The following BMP5 variants were observed in gnomAD, a reference collection of about 807,000 sequenced individuals.
BMP5 encodes bone morphogenetic protein 5.
In BMP5, 23 loss-of-function variants were observed where a neutral mutation model predicts 46.6. That is an observed-to-expected ratio of 0.49 (90% CI 0.35 to 0.70). The LOEUF (loss-of-function observed/expected upper bound fraction) is 0.70. Ranked by LOEUF, BMP5 falls within the 30% of genes least tolerant of loss-of-function variation. BMP5 has a pLI of 0.00. For missense variants in BMP5, 545 were observed against 565.6 expected, an observed-to-expected ratio of 0.96 and a Z score of 0.37; for synonymous variants, 204 against 191.9, an observed-to-expected ratio of 1.06 and a Z score of -0.52.
At chr6:55,840,340 T>A (rs548569515) in intron 1 of BMP5, among the ~76,000 whole-genome samples, 1 of 152,248 alleles carries the variant, frequency 6.6e-6, no homozygotes, top group South Asian at 2.1e-4. Flanking sequence ...TTTTAAATCT[T>A]TATGCCTTCT....
chr6:55,858,686 T>C (rs901428622), intron 1 of BMP5, among the ~76,000 whole-genome samples: 10 of 152,208 alleles, frequency 6.6e-5, no homozygotes, highest in Admixed American at 1.3e-4. Flanking sequence ...GGCTTAAACG[T>C]GTATTTATTG....
At chr6:55,799,255 T>C (rs1319758074) in intron 2 of BMP5, among the ~76,000 whole-genome samples, 4 of 152,162 alleles carry the variant, frequency 2.6e-5, no homozygotes, top group Non-Finnish European at 5.9e-5. Flanking sequence ...TTTTATAGGG[T>C]CTGCCATAAT....
At chr6:55,873,173 C>A (rs3798822) in intron 1 of BMP5, among the ~76,000 whole-genome samples, 29,909 of 151,726 alleles carry the variant, frequency 0.2, 3,607 homozygotes, top group Admixed American at 0.26. Flanking sequence ...ATAAAAGCAT[C>A]CATGTGTTAT....
At chr6:55,791,724 G>T (rs146387911) in intron 3 of BMP5, among the ~76,000 whole-genome samples, 323 of 152,156 alleles carry the variant, frequency 2.1e-3, no homozygotes, top group African/African-American at 7.6e-3. Flanking sequence ...AACAAAAAGA[G>T]AAACTTTAGA....
At position 55,874,668 on chromosome 6, in the gene BMP5, T is replaced by G. The variant is rs757000639; in HGVS notation, c.198A>C (p.Arg66Ser). ...LSILGLPHRP[R>S]PFSPGKQASS... ...ACGCTTGTTTTCCAGGTGAAAATGG[T>G]CTGGGTCTGTGAGGCAAACCCAAGA... Residue 66 changes from arginine (R) to serine (S), a missense_variant, in exon 1 of 7, where the codon AGA becomes AGC. Physicochemically the swap from Arg to Ser is moderately radical, Grantham distance 110. Transcript: ENST00000370830. The G allele has an allele frequency of 6.2e-7, 1 of 1,613,634 alleles. No individual in the cohort carries two copies. Among genetic ancestry groups the G allele is most frequent in the South Asian group, 1.1e-5 (1 of 91,080 alleles).
At chr6:55,836,631 TAC>T (rs61358651) in intron 1 of BMP5, among the ~76,000 whole-genome samples, 20,510 of 139,086 alleles carry the variant, frequency 0.15, 1,421 homozygotes, top group African/African-American at 0.16. Flanking sequence ...CATACATACA[TAC>T]ACACACACAC....
At position 55,819,686 on chromosome 6, in the gene BMP5, T is replaced by C. The variant is rs1219679284; in HGVS notation, c.652A>G (p.Ile218Val). The C allele has an allele frequency of 1.2e-6, 2 of 1,613,438 alleles. No individual in the cohort carries two copies. The highest frequency in any genetic ancestry group is 2.2e-5 in the South Asian group (2 of 91,076). ...GTGTATTCCTTGATGATTTGATATA[T>C]GCTAATCTTAATTGTTTCATTTTCA... ...RFENETIKISIYQIIKEYTNR... is the reference protein window; with the variant it reads ...RFENETIKISVYQIIKEYTNR... Residue 218 changes from isoleucine to valine, a missense_variant, in exon 2 of 7, where the codon ATA (isoleucine) becomes GTA (valine). By Grantham distance (29) the Ile-to-Val change is conservative. Transcript: ENST00000370830.
rs113925996 is a variant in BMP5, at chr6:55,832,029, G to A, written c.491-12182C>T. Reference sequence around the variant, plus strand: ...TCCAAGTATAGGAGGCAAATAGTCCGTACTGGAAAGCTATATTAAGGGCTA... The same window carrying A: ...TCCAAGTATAGGAGGCAAATAGTCCATACTGGAAAGCTATATTAAGGGCTA... On this transcript the variant is annotated intron_variant, in intron 1 of 6. Coordinates refer to ENST00000370830, the MANE Select transcript of BMP5 (RefSeq NM_021073.4). 1.2e-3 allele frequency among the ~76,000 whole-genome samples: 180 copies of A among 152,208 alleles called. 1 individual carries two copies. Among genetic ancestry groups the A allele is most frequent in the African/African-American group, 2.9e-3 (120 of 41,546 alleles).
intron 3 of BMP5, among the ~76,000 whole-genome samples, chr6:55,774,924 A>C (rs2127521589): frequency 6.6e-6 from 1 of 152,078 alleles, no homozygotes; most frequent in African/African-American, 2.4e-5. Context: ...TAAACATAGA[A>C]ATTTTGGAAT....
chr6:55,831,066 G>A (rs1241781564), intron 1 of BMP5, among the ~76,000 whole-genome samples: 1 of 152,028 alleles, frequency 6.6e-6, no homozygotes, highest in Non-Finnish European at 1.5e-5. Flanking sequence ...AACTAGACAA[G>A]AATATTCACC....
At chr6:55,780,607 A>T (rs1184501214) in intron 3 of BMP5, among the ~76,000 whole-genome samples, 4 of 152,078 alleles carry the variant, frequency 2.6e-5, no homozygotes, top group African/African-American at 9.7e-5. Context: ...GAGATTTTTT[A>T]AAGTGTTGAC....
rs887248630 is a variant in BMP5, at chr6:55,874,671, G to C, written c.195C>G (p.Pro65=). The change falls in exon 1 of 7, where the codon CCC becomes CCG. Residue 65 remains proline (P), a synonymous_variant. Coordinates refer to ENST00000370830, the MANE Select transcript of BMP5 (RefSeq NM_021073.4). ...CTTGTTTTCCAGGTGAAAATGGTCT[G>C]GGTCTGTGAGGCAAACCCAAGATAG... ...ILSILGLPHR[P]RPFSPGKQAS... The C allele has an allele frequency of 5.6e-6, 9 of 1,613,500 alleles. No homozygotes were observed. Among genetic ancestry groups the C allele is most frequent in the Middle Eastern group, 3.3e-4 (2 of 6,078 alleles).
intron 3 of BMP5, among the ~76,000 whole-genome samples, chr6:55,779,750 G>A (rs1315965330): frequency 1.3e-5 from 2 of 151,906 alleles, no homozygotes; most frequent in Non-Finnish European, 2.9e-5. Context: ...TGCATCTTTT[G>A]TAGTTTTATT....
intron 1 of BMP5, among the ~76,000 whole-genome samples, chr6:55,834,306 C>T (rs1178014495): frequency 6.6e-6 from 1 of 152,108 alleles, no homozygotes; most frequent in African/African-American, 2.4e-5. Flanking sequence ...CTCCTTTAAT[C>T]CTGCTTTTCA....
At chr6:55,786,244 T>C (rs1431282808) in intron 3 of BMP5, among the ~76,000 whole-genome samples, 6 of 151,786 alleles carry the variant, frequency 4.0e-5, no homozygotes, top group East Asian at 1.9e-4. Flanking sequence ...AGTGTTTTTT[T>C]ATACATGAAT....
rs141677598 is a variant in BMP5 at position 55,847,087 on chromosome 6, T to C, written c.491-27240A>G. Among the ~76,000 whole-genome samples, 29 of 152,096 alleles carry C rather than the reference T, an allele frequency of 1.9e-4. No individual in the cohort carries two copies. In the East Asian group the frequency reaches 4.6e-3, roughly 24 times the overall value. On this transcript the variant is annotated intron_variant, in intron 1 of 6. Coordinates refer to ENST00000370830, the MANE Select transcript of BMP5 (RefSeq NM_021073.4). ...CCCTCTATTCCATTATCTCATAGAC[T>C]AGGCACTGCAGTTCCTATTTTATCG... is the stretch of plus-strand genomic sequence containing the variant.
At chr6:55,849,736 T>C (rs1366990990) in intron 1 of BMP5, among the ~76,000 whole-genome samples, 1 of 152,068 alleles carries the variant, frequency 6.6e-6, no homozygotes, top group African/African-American at 2.4e-5. Flanking sequence ...TCCTAATATA[T>C]AATTTAGAAC....
intron 1 of BMP5, among the ~76,000 whole-genome samples, chr6:55,845,751 AC>A (rs1371034017): frequency 6.6e-6 from 1 of 151,896 alleles, no homozygotes; most frequent in Non-Finnish European, 1.5e-5. Context: ...TACACCATGA[AC>A]CCCCTGGACT....
At chr6:55,828,943 T>G (rs1368273249) in intron 1 of BMP5, among the ~76,000 whole-genome samples, 1 of 151,886 alleles carries the variant, frequency 6.6e-6, no homozygotes, top group Non-Finnish European at 1.5e-5. Context: ...TGAATTTTTC[T>G]GCCAAATGGG....
Sources: gnomAD v4.1 joint callset for allele counts (sites outside exome capture counted in the v4.1 genomes callset) on GRCh38, gnomAD v4.1.1 for gene constraint, MANE v1.5 for transcripts, NCBI Gene and HGNC (gene_info 2026-07-23, HGNC 2026-07-21) for gene names.